SPATS2L: variants seen among roughly 807,000 people sequenced by gnomAD.
The protein encoded by SPATS2L is spermatogenesis associated serine rich 2 like, also known as SPATS2-like protein.
In SPATS2L, 30 loss-of-function variants were observed where a neutral mutation model predicts 59.6. The observed-to-expected ratio is 0.50, with a 90% CI of 0.38 to 0.68. The LOEUF (loss-of-function observed/expected upper bound fraction) is 0.68. SPATS2L is among the 30% of genes least tolerant of loss of function. SPATS2L has a pLI of 0.00. For missense variants in SPATS2L, 615 were observed against 700.0 expected (o/e 0.88, Z 1.37); for synonymous variants, 252 against 263.5 (o/e 0.96, Z 0.42).
chr2:200,322,096 A>T (rs1226176330), intron 1 of SPATS2L, among the ~76,000 whole-genome samples: 1 of 152,178 alleles, frequency 6.6e-6, no homozygotes, highest in African/African-American at 2.4e-5. Flanking sequence ...GGAATGCTTG[A>T]CTTACTCAAT....
chr2:200,337,972 A>T (rs887190079), intron 2 of SPATS2L, among the ~76,000 whole-genome samples: 1 of 152,140 alleles, frequency 6.6e-6, no homozygotes. Context: ...TTCTTCTATG[A>T]TCTATATATT....
At chr2:200,330,926 C>T (rs939972203) in intron 2 of SPATS2L, among the ~76,000 whole-genome samples, 1 of 152,212 alleles carries the variant, frequency 6.6e-6, no homozygotes, top group Non-Finnish European at 1.5e-5. Flanking sequence ...ATTAGACATC[C>T]CTTCTGTAAC....
At chr2:200,365,930 A>T (rs1037658918) in intron 2 of SPATS2L, among the ~76,000 whole-genome samples, 2 of 152,172 alleles carry the variant, frequency 1.3e-5, no homozygotes, top group African/African-American at 4.8e-5. Context: ...GCACAAGCCT[A>T]TATACATAGG....
rs778330516 is a variant in SPATS2L, at chr2:200,477,756, C to T, written c.1402C>T (p.Arg468Cys). 2.2e-5 allele frequency: 34 copies of T among 1,580,568 alleles called. No individual in the cohort carries two copies. The highest frequency in any genetic ancestry group is 1.8e-4 in the South Asian group (16 of 86,554). ...CGAGCCACTGGGAAAGGGCAACAGC[C>T]GCCACGAACACAGAAGACAGCCGCA... is the stretch of plus-strand genomic sequence containing the variant. ...EAEPLGKGNS[R>C]HEHRRQPHNG... Residue 468 changes from arginine (R) to cysteine (C), a missense_variant, in exon 13 of 13, where the codon CGC (arginine) becomes TGC (cysteine). Around this residue, in one of 3 missense-constraint regions of SPATS2L, gnomAD observed 284 missense variants for 280.1 expected, o/e 1.01. Transcript: ENST00000409140.
chr2:200,338,315 G>T (rs896727702), intron 2 of SPATS2L, among the ~76,000 whole-genome samples: 38 of 152,260 alleles, frequency 2.5e-4, no homozygotes, highest in Non-Finnish European at 1.5e-4. Context: ...GTGAGCCACC[G>T]TGCCCAGCCC....
At chr2:200,354,128 C>G (rs1574474415) in intron 2 of SPATS2L, among the ~76,000 whole-genome samples, 1 of 152,146 alleles carries the variant, frequency 6.6e-6, no homozygotes, top group South Asian at 2.1e-4. Context: ...TAGCTCAGAC[C>G]CTGTCATTTA....
intron 2 of SPATS2L, among the ~76,000 whole-genome samples, chr2:200,334,677 AT>A (rs1316769493): frequency 2.6e-5 from 4 of 151,706 alleles, no homozygotes; most frequent in Non-Finnish European, 5.9e-5. Flanking sequence ...TCCATCTTGA[AT>A]TGATTTTTGT....
intron 2 of SPATS2L, among the ~76,000 whole-genome samples, chr2:200,377,405 A>C (rs576599193): frequency 6.6e-6 from 1 of 152,212 alleles, no homozygotes. Flanking sequence ...GGCTGGTGGT[A>C]GCAGCTTTCT....
At chr2:200,365,512 C>G (rs199884306) in intron 2 of SPATS2L, among the ~76,000 whole-genome samples, 1 of 152,188 alleles carries the variant, frequency 6.6e-6, no homozygotes, top group African/African-American at 2.4e-5. Flanking sequence ...TGTCTGTGAA[C>G]TCAGAGATGA....
At chr2:200,342,842 A>T (rs1047795900) in intron 2 of SPATS2L, among the ~76,000 whole-genome samples, 3 of 152,208 alleles carry the variant, frequency 2.0e-5, no homozygotes, top group Admixed American at 6.5e-5. Flanking sequence ...GAATATCCTT[A>T]TGTTAGGAAA....
chr2:200,310,405 G>A (rs1338986051), intron 1 of SPATS2L, among the ~76,000 whole-genome samples: 3 of 152,034 alleles, frequency 2.0e-5, no homozygotes, highest in African/African-American at 7.3e-5. Flanking sequence ...CCTGCATTTC[G>A]TTTTCATTCT....
intron 2 of SPATS2L, among the ~76,000 whole-genome samples, chr2:200,382,711 C>CT: frequency 6.6e-6 from 1 of 152,164 alleles, no homozygotes; most frequent in Non-Finnish European, 1.5e-5. Context: ...CTTTGTGCTT[C>CT]AGTTTCCACG....
At chr2:200,362,757 C>T (rs1292878718) in intron 2 of SPATS2L, among the ~76,000 whole-genome samples, 1 of 147,968 alleles carries the variant, frequency 6.8e-6, no homozygotes, top group Non-Finnish European at 1.5e-5. Flanking sequence ...CGGAGTTCAG[C>T]TAGGGGACTA....
At chr2:200,313,700 GCAGCTCCTTGAAGTA>G (rs1036616056) in intron 1 of SPATS2L, among the ~76,000 whole-genome samples, 1 of 152,154 alleles carries the variant, frequency 6.6e-6, no homozygotes, top group Admixed American at 6.5e-5. Flanking sequence ...GTCTTAGCAG[GCAGCTCCTTGAAGTA>G]CAGGTCCTCG....
At chr2:200,456,340 C>T (rs2085833231) in intron 8 of SPATS2L, among the ~76,000 whole-genome samples, 1 of 152,148 alleles carries the variant, frequency 6.6e-6, no homozygotes, top group South Asian at 2.1e-4. Flanking sequence ...ATGGAAATAC[C>T]CAGAGAAACG....
intron 1 of SPATS2L, among the ~76,000 whole-genome samples, chr2:200,314,122 A>G (rs2079282184): frequency 6.6e-6 from 1 of 152,188 alleles, no homozygotes; most frequent in African/African-American, 2.4e-5. Flanking sequence ...CCAGCCTTGA[A>G]ATCTTATCTG....
intron 6 of SPATS2L, among the ~76,000 whole-genome samples, chr2:200,421,792 A>C (rs1229990652): frequency 6.6e-6 from 1 of 152,250 alleles, no homozygotes; most frequent in Non-Finnish European, 1.5e-5. Flanking sequence ...AAGAGAAAGA[A>C]ATTAAATAAT....
chr2:200,313,678 A>C (rs1288044702), intron 1 of SPATS2L, among the ~76,000 whole-genome samples: 2 of 152,156 alleles, frequency 1.3e-5, no homozygotes, highest in Non-Finnish European at 2.9e-5. Context: ...GGTGTGTTTC[A>C]TCTTATTCCT....
intron 2 of SPATS2L, among the ~76,000 whole-genome samples, chr2:200,358,435 T>G (rs1437266629): frequency 6.6e-6 from 1 of 152,218 alleles, no homozygotes; most frequent in Non-Finnish European, 1.5e-5. Flanking sequence ...CTAAATTCTA[T>G]GGCTAGAAAT....
Sources: allele counts gnomAD v4.1 joint callset (sites outside exome capture counted in the v4.1 genomes callset), GRCh38; gene constraint gnomAD v4.1.1; regional missense constraint gnomAD v4.1.1; transcripts MANE v1.5; gene names NCBI Gene and HGNC (gene_info 2026-07-23, HGNC 2026-07-21).